The following ARHGEF3 variants were observed in gnomAD, a reference collection of about 807,000 sequenced individuals.
ARHGEF3 encodes 59.8 kDA protein.
A neutral mutation model predicts 63.2 loss-of-function variants in ARHGEF3; 28 were observed. The observed-to-expected ratio is 0.44, with a 90% confidence interval of 0.33 to 0.61. The LOEUF is 0.61. ARHGEF3 is among the 20% of genes least tolerant of loss of function. The probability of loss-of-function intolerance (pLI) is 0.03; values close to 1 mark genes in which losing one functional copy is unlikely to be tolerated. For missense variants in ARHGEF3, 533 were observed against 659.3 expected, an observed-to-expected ratio of 0.81 and a Z score of 2.10; for synonymous variants, 266 against 254.2, an observed-to-expected ratio of 1.05 and a Z score of -0.44.
rs183539679 is a variant in ARHGEF3 at position 56,794,228 on chromosome 3, C to T, written c.96+7475G>A. Among the ~76,000 whole-genome samples the T allele has an allele frequency of 6.3e-3, 959 of 152,250 alleles. 7 individuals carry two copies. Among genetic ancestry groups the T allele is most frequent in the Non-Finnish European group, 9.9e-3 (676 of 68,002 alleles). ...CTGGGCCAGGCATGGTGGCTCACGCCTGTAATCCTATCACTTTGGGAGGCC... is the reference window on the plus strand; with the variant it reads ...CTGGGCCAGGCATGGTGGCTCACGCTTGTAATCCTATCACTTTGGGAGGCC... On this transcript the variant is annotated intron_variant, in intron 1 of 9. Coordinates refer to ENST00000296315, the MANE Select transcript of ARHGEF3 (RefSeq NM_019555.3).
At chr3:56,939,400 G>A (rs750212209) in intron 3 of ARHGEF3, among the ~76,000 whole-genome samples, 3 of 152,102 alleles carry the variant, frequency 2.0e-5, no homozygotes, top group Non-Finnish European at 4.4e-5. Context: ...TTTTGTGTGT[G>A]TAATAAAGGC....
chr3:56,877,668 G>A (rs540638415), intron 4 of ARHGEF3, among the ~76,000 whole-genome samples: 33 of 152,090 alleles, frequency 2.2e-4, no homozygotes, highest in African/African-American at 6.3e-4. Flanking sequence ...ATGCCTGCCC[G>A]ATCTCAATTT....
At chr3:56,994,063 T>TAAA (rs1701873844) in intron 2 of ARHGEF3, among the ~76,000 whole-genome samples, 1 of 2,978 alleles carries the variant, frequency 3.4e-4, no homozygotes, top group African/African-American at 6.8e-4. Context: ...AAACTTCGTC[T>TAAA]CAAAAAAAAA....
chr3:56,797,218 G>A (rs1252803070), intron 1 of ARHGEF3, among the ~76,000 whole-genome samples: 1 of 152,220 alleles, frequency 6.6e-6, no homozygotes, highest in African/African-American at 2.4e-5. Context: ...AGACAGCATT[G>A]AGACTCAGGC....
chr3:56,899,504 TAG>T, intron 3 of ARHGEF3, among the ~76,000 whole-genome samples: 1 of 152,230 alleles, frequency 6.6e-6, no homozygotes, highest in African/African-American at 2.4e-5. Context: ...TTATTTACAT[TAG>T]TTTGTGCATA....
At chr3:56,851,729 A>G (rs1476220115) in intron 4 of ARHGEF3, among the ~76,000 whole-genome samples, 1 of 150,898 alleles carries the variant, frequency 6.6e-6, no homozygotes, top group Non-Finnish European at 1.5e-5. Context: ...CTTGTAAGTA[A>G]TATATAATCT....
chr3:56,954,154 T>C (rs960695607), intron 3 of ARHGEF3, among the ~76,000 whole-genome samples: 1 of 152,158 alleles, frequency 6.6e-6, no homozygotes, highest in African/African-American at 2.4e-5. Flanking sequence ...AAATTTGGTC[T>C]GTATTTAATT....
At chr3:56,877,236 G>A (rs910596891) in intron 4 of ARHGEF3, among the ~76,000 whole-genome samples, 1 of 151,816 alleles carries the variant, frequency 6.6e-6, no homozygotes, top group Non-Finnish European at 1.5e-5. Flanking sequence ...AAGGGTTGGT[G>A]GAATAGATTT....
chr3:56,741,907 A>C (rs1386871764), intron 7 of ARHGEF3, among the ~76,000 whole-genome samples: 1 of 152,190 alleles, frequency 6.6e-6, no homozygotes, highest in African/African-American at 2.4e-5. Flanking sequence ...GTAGTTGCCC[A>C]TTTAAATTAA....
At chr3:56,768,918 C>T (rs775513063) in intron 2 of ARHGEF3, among the ~76,000 whole-genome samples, 3 of 152,104 alleles carry the variant, frequency 2.0e-5, no homozygotes, top group Non-Finnish European at 4.4e-5. Flanking sequence ...GAGCAGATCA[C>T]CCAGACAGAG....
intron 2 of ARHGEF3, among the ~76,000 whole-genome samples, chr3:56,995,665 GAGAGA>G (rs1701954855): frequency 1.6e-5 from 2 of 122,836 alleles, no homozygotes; most frequent in African/African-American, 2.8e-5. Context: ...GAGAGAGAGA[GAGAGA>G]GAATTTTTTT....
intron 4 of ARHGEF3, among the ~76,000 whole-genome samples, chr3:56,832,279 C>T (rs530104916): frequency 1.5e-4 from 23 of 152,270 alleles, no homozygotes; most frequent in African/African-American, 5.5e-4. Flanking sequence ...ATATTCTTAC[C>T]ATTCAGATTT....
chr3:56,969,732 GAC>G (rs1421057075), intron 2 of ARHGEF3, among the ~76,000 whole-genome samples: 1 of 135,006 alleles, frequency 7.4e-6, no homozygotes, highest in Non-Finnish European at 1.6e-5. Context: ...CAGCCTCGGT[GAC>G]AGAGTGAGAC....
chr3:57,072,726 C>CA (rs11332171), intron 1 of ARHGEF3, among the ~76,000 whole-genome samples: 13,243 of 111,974 alleles, frequency 0.12, 881 homozygotes, highest in East Asian at 0.39. Context: ...GAGACTCTGT[C>CA]AAAAAAAAAA....
At chr3:57,028,865 A>G (rs936754934) in intron 2 of ARHGEF3, among the ~76,000 whole-genome samples, 15 of 152,018 alleles carry the variant, frequency 9.9e-5, no homozygotes, top group African/African-American at 1.9e-4. Context: ...TGCTGTGTAG[A>G]GGATTAGCCA....
At chr3:56,975,230 C>T (rs1437559279) in intron 2 of ARHGEF3, among the ~76,000 whole-genome samples, 1 of 152,082 alleles carries the variant, frequency 6.6e-6, no homozygotes, top group Non-Finnish European at 1.5e-5. Context: ...CTAGCTTGGC[C>T]AACATGGTGA....
intron 6 of ARHGEF3, 67 bp from the exon 7 acceptor site, chr3:56,745,529 T>G (rs1299435569): frequency 6.4e-7 from 1 of 1,562,104 alleles, no homozygotes; most frequent in Admixed American, 1.8e-5. Flanking sequence ...TACGGTGGCA[T>G]CATTTATTGG....
intron 7 of ARHGEF3, among the ~76,000 whole-genome samples, chr3:56,741,724 C>T (rs1250164138): frequency 1.3e-5 from 2 of 151,138 alleles, no homozygotes; most frequent in Middle Eastern, 3.5e-3. Context: ...AAGATGGTCT[C>T]GATCTCCTGA....
chr3:57,023,371 G>A (rs1031137319), intron 2 of ARHGEF3, among the ~76,000 whole-genome samples: 2 of 152,108 alleles, frequency 1.3e-5, no homozygotes, highest in African/African-American at 4.8e-5. Flanking sequence ...AGGTATTTAT[G>A]ACCTCCATCA....
Sources: allele counts gnomAD v4.1 joint callset (sites outside exome capture counted in the v4.1 genomes callset), GRCh38; gene constraint gnomAD v4.1.1; transcripts MANE v1.5; gene names NCBI Gene and HGNC (gene_info 2026-07-23, HGNC 2026-07-21).